PCDH15: variants seen among roughly 807,000 people sequenced by gnomAD.
The protein encoded by PCDH15 is protocadherin related 15.
PCDH15 carries 129 observed loss-of-function variants against 178.5 expected under a neutral mutation model. The ratio of observed to expected loss-of-function variants is 0.72; its 90% CI spans 0.63 to 0.84. The LOEUF is 0.84. Ranked by LOEUF, PCDH15 falls within the 40% of genes least tolerant of loss-of-function variation. PCDH15 has a pLI of 0.00. For synonymous variants in PCDH15, 800 were observed against 732.0 expected (o/e 1.09, Z -1.50); for missense variants, 2,230 against 2,099.9 (o/e 1.06, Z -1.21).
chr10:54,719,940 G>C (rs1941303785), intron 1 of PCDH15, among the ~76,000 whole-genome samples: 1 of 151,968 alleles, frequency 6.6e-6, no homozygotes, highest in South Asian at 2.1e-4. Context: ...TGGGTATTTG[G>C]GTTGGTTCCA....
intron 25 of PCDH15, among the ~76,000 whole-genome samples, chr10:53,925,140 C>G (rs2610850): frequency 1.3e-5 from 2 of 152,060 alleles, no homozygotes; most frequent in Non-Finnish European, 2.9e-5. Flanking sequence ...AAGCTTCATT[C>G]TTTCACTCTT....
rs757382898 is a variant in PCDH15, at chr10:54,183,509, A to C, written c.1525T>G (p.Phe509Val). 2.5e-6 allele frequency: 4 copies of C among 1,613,758 alleles called. No individual in the cohort carries two copies. The South Asian group carries it at 4.4e-5, about 18-fold the overall frequency. The change falls in exon 13 of 38, where the codon TTC (phenylalanine) becomes GTC (valine). Residue 509 changes from phenylalanine to valine, a missense_variant. By Grantham distance (50) the Phe-to-Val change is conservative. Coordinates refer to ENST00000644397, the MANE Select transcript of PCDH15 (RefSeq NM_001384140.1). ...TACACATCATAGGATATTTCAGGGA[A>C]GGTTGGCGTGTTATCATTTGCATCC... ...VMDANDNTPT[F>V]PEISYDVYVY...
At chr10:55,185,784 A>G (rs1275601127) in intron 1 of PCDH15, among the ~76,000 whole-genome samples, 1 of 151,668 alleles carries the variant, frequency 6.6e-6, no homozygotes, top group Non-Finnish European at 1.5e-5. Flanking sequence ...AACGAAGGTA[A>G]TATATATTGA....
chr10:54,008,965 T>C (rs2092477560), intron 20 of PCDH15, among the ~76,000 whole-genome samples: 1 of 152,186 alleles, frequency 6.6e-6, no homozygotes, highest in Admixed American at 6.5e-5. Flanking sequence ...TAAATATTTT[T>C]GTAACAGATT....
At chr10:54,339,926 C>G (rs1003882279) in intron 6 of PCDH15, among the ~76,000 whole-genome samples, 4 of 152,226 alleles carry the variant, frequency 2.6e-5, no homozygotes, top group Non-Finnish European at 4.4e-5. Context: ...TGACCCTGCT[C>G]CTTGGTTATA....
chr10:54,174,055 T>G (rs2047172564), intron 13 of PCDH15, among the ~76,000 whole-genome samples: 1 of 152,116 alleles, frequency 6.6e-6, no homozygotes, highest in African/African-American at 2.4e-5. Flanking sequence ...GGATATCGAT[T>G]ATGGGCTTCA....
intron 1 of PCDH15, among the ~76,000 whole-genome samples, chr10:54,733,300 A>G (rs1438742335): frequency 6.6e-6 from 1 of 151,662 alleles, no homozygotes; most frequent in Non-Finnish European, 1.5e-5. Context: ...CACAGGATAC[A>G]AAAATCAACT....
intron 2 of PCDH15, among the ~76,000 whole-genome samples, chr10:54,572,505 G>C (rs1329349537): frequency 6.6e-6 from 1 of 152,140 alleles, no homozygotes; most frequent in African/African-American, 2.4e-5. Context: ...AACGAAAAGA[G>C]AGGATTGAAA....
intron 7 of PCDH15, among the ~76,000 whole-genome samples, chr10:54,324,568 C>A (rs1160914886): frequency 1.3e-5 from 2 of 152,012 alleles, no homozygotes; most frequent in Non-Finnish European, 2.9e-5. Flanking sequence ...TGGTTTCAGA[C>A]CAGCCTGTCC....
intron 13 of PCDH15, among the ~76,000 whole-genome samples, chr10:54,175,212 A>G (rs2133692271): frequency 6.6e-6 from 1 of 152,288 alleles, no homozygotes; most frequent in East Asian, 1.9e-4. Flanking sequence ...AAACAAAATC[A>G]TTATTTGAAA....
At chr10:55,292,503 C>A (rs1843031055) in intron 1 of PCDH15, among the ~76,000 whole-genome samples, 1 of 152,014 alleles carries the variant, frequency 6.6e-6, no homozygotes, top group Non-Finnish European at 1.5e-5. Flanking sequence ...AGCTTCAGCT[C>A]CTGGAGTAGC....
chr10:54,132,790 A>G (rs2042545877), intron 15 of PCDH15, 85 bp downstream of exon 15: 1 of 1,542,866 alleles, frequency 6.5e-7, no homozygotes, highest in Admixed American at 2.0e-5. Context: ...TTCTCCCTCC[A>G]TACACAAATA....
intron 32 of PCDH15, chr10:53,822,721 A>C: frequency 6.2e-7 from 1 of 1,614,106 alleles, no homozygotes; most frequent in Non-Finnish European, 8.5e-7. Context: ...GAGAATGAGA[A>C]GTGAGGCCTG....
At chr10:54,418,023 T>C (rs1774648) in intron 3 of PCDH15, among the ~76,000 whole-genome samples, 31,296 of 152,072 alleles carry the variant, frequency 0.21, 4,008 homozygotes, top group African/African-American at 0.36. Flanking sequence ...AAAGATCTGG[T>C]TTAGCATTCT....
intron 2 of PCDH15, among the ~76,000 whole-genome samples, chr10:55,610,893 G>A: frequency 6.6e-6 from 1 of 152,010 alleles, no homozygotes; most frequent in East Asian, 1.9e-4. Context: ...TCAATATGAT[G>A]TTTTAGCTAA....
At chr10:55,148,495 G>T (rs1347136854) in intron 2 of PCDH15, among the ~76,000 whole-genome samples, 1 of 151,634 alleles carries the variant, frequency 6.6e-6, no homozygotes, top group African/African-American at 2.4e-5. Context: ...AAATTAATAG[G>T]GACTATTTCA....
chr10:54,446,468 T>C (rs374818869), intron 3 of PCDH15, among the ~76,000 whole-genome samples: 1 of 151,814 alleles, frequency 6.6e-6, no homozygotes. Flanking sequence ...TGTGTTTCAT[T>C]ATTTGAAACT....
chr10:54,585,614 GT>G (rs71901521), intron 2 of PCDH15: 24,897 of 79,324 alleles, frequency 0.31, 1,684 homozygotes, highest in Non-Finnish European at 0.36. Flanking sequence ...AGCAATATGT[GT>G]TTTTTTTTTT....
At chr10:53,983,362 G>GA (rs202119695) in intron 21 of PCDH15, among the ~76,000 whole-genome samples, 1,748 of 131,378 alleles carry the variant, frequency 0.013, 16 homozygotes, top group African/African-American at 0.024. Context: ...AAAAGAGAAA[G>GA]AAAAAAAAAA....
Sources: allele counts gnomAD v4.1 joint callset (sites outside exome capture counted in the v4.1 genomes callset), GRCh38; gene constraint gnomAD v4.1.1; transcripts MANE v1.5; gene names NCBI Gene and HGNC (gene_info 2026-07-23, HGNC 2026-07-21).